PHACTR2: variants seen among roughly 807,000 people sequenced by gnomAD.
The protein encoded by PHACTR2 is phosphatase and actin regulator 2.
A neutral mutation model predicts 76.0 loss-of-function variants in PHACTR2; 30 were observed. That is an observed-to-expected ratio of 0.39 (90% confidence interval 0.30 to 0.54). The LOEUF (loss-of-function observed/expected upper bound fraction) is 0.54, where lower values mean the gene tolerates loss of function less well. Among genes scored for constraint, PHACTR2 ranks in the 20% least tolerant of loss-of-function variants. The pLI is 0.61. For synonymous variants in PHACTR2, 292 were observed against 292.5 expected (o/e 1.00, Z 0.02); for missense variants, 696 against 781.1 (o/e 0.89, Z 1.30).
Position 143,787,607 on chromosome 6 carries a change from C to G in PHACTR2, c.1708-1166C>G, listed in dbSNP as rs1775584232. ...TGTTAATGACTACAGAATGTAGACCCAGTGCAAAATAAGGAATATCTCTGG... is the reference window on the plus strand; with the variant it reads ...TGTTAATGACTACAGAATGTAGACCGAGTGCAAAATAAGGAATATCTCTGG... On this transcript the variant is annotated intron_variant, in intron 10 of 12. Transcript: ENST00000440869. The surrounding 1 kb of genome is among the most constrained non-coding windows in gnomAD (Gnocchi z 4.6). Among the ~76,000 whole-genome samples, 3 of 152,058 alleles carry G rather than the reference C, an allele frequency of 2.0e-5. No homozygotes were observed. The South Asian group carries it at 6.2e-4, about 32-fold the overall frequency.
intron 1 of PHACTR2, among the ~76,000 whole-genome samples, chr6:143,545,520 G>C (rs1249519986): frequency 6.6e-6 from 1 of 152,160 alleles, no homozygotes; most frequent in African/African-American, 2.4e-5. Context: ...TTCCCCACAT[G>C]ATCACACTCT....
chr6:143,752,965 C>T (rs1354786755), intron 3 of PHACTR2, among the ~76,000 whole-genome samples: 2 of 152,034 alleles, frequency 1.3e-5, no homozygotes, highest in Non-Finnish European at 2.9e-5. Flanking sequence ...TATGGAAATA[C>T]AGGAGTTAAA....
chr6:143,612,232 C>A (rs1316615036), intron 1 of PHACTR2, among the ~76,000 whole-genome samples: 1 of 152,082 alleles, frequency 6.6e-6, no homozygotes, highest in Non-Finnish European at 1.5e-5. Flanking sequence ...GAAATAAGAC[C>A]AGGCAAAGAG....
At chr6:143,538,432 A>G (rs1426761763) in intron 1 of PHACTR2, among the ~76,000 whole-genome samples, 1 of 152,246 alleles carries the variant, frequency 6.6e-6, no homozygotes, top group Non-Finnish European at 1.5e-5. Flanking sequence ...AGATGCGTCA[A>G]GTTTCCACCA....
chr6:143,607,958 T>A (rs1775905402), upstream of PHACTR2, among the ~76,000 whole-genome samples: 1 of 152,248 alleles, frequency 6.6e-6, no homozygotes, highest in Non-Finnish European at 1.5e-5. Context: ...TGGAAAGCTC[T>A]GTGTTTTGCA....
rs1373844215 is a variant in PHACTR2 at position 143,663,215 on chromosome 6, T to C, written c.14-48801T>C. 6.6e-6 allele frequency among the ~76,000 whole-genome samples: 1 copy of C among 152,206 alleles called. No homozygotes were observed. The highest frequency in any genetic ancestry group is 2.4e-5 in the African/African-American group (1 of 41,456). ...TTTGCTATAGTGATCTATTTCCCTT[T>C]GAGTATATACCCAGTAATGATATTT... is the stretch of plus-strand genomic sequence containing the variant. On this transcript the variant is annotated intron_variant, in intron 1 of 11. Coordinates refer to the PHACTR2 transcript ENST00000305766. The surrounding 1 kb of genome is among the most constrained non-coding windows in gnomAD (Gnocchi z 4.1).
chr6:143,547,680 G>T lies in PHACTR2; in HGVS notation c.217+10473G>T, dbSNP rs76406135. Among the ~76,000 whole-genome samples, 1 of 152,152 alleles carries T rather than the reference G, an allele frequency of 6.6e-6. No individual in the cohort carries two copies. Among genetic ancestry groups the T allele is most frequent in the African/African-American group, 2.4e-5 (1 of 41,440 alleles). On this transcript the variant is annotated intron_variant, in intron 1 of 11. Coordinates refer to the PHACTR2 transcript ENST00000367584. The surrounding 1 kb of genome is among the most constrained non-coding windows in gnomAD (Gnocchi z 4.2). ...GTTAGCAATAGAGACTCCCTTCTTC[G>T]AATGAAGGAAAAGGGGTTTGTTTGT...
chr6:143,638,109 T>G (rs1776495200), intron 1 of PHACTR2, among the ~76,000 whole-genome samples: 1 of 152,368 alleles, frequency 6.6e-6, no homozygotes, highest in South Asian at 2.1e-4. Context: ...AGTGTGTAGT[T>G]GATGAATTAT....
chr6:143,552,888 G>GAA (rs35606517), intron 1 of PHACTR2, among the ~76,000 whole-genome samples: 3 of 116,698 alleles, frequency 2.6e-5, no homozygotes, highest in African/African-American at 3.3e-5. Context: ...ATCTCAAAAA[G>GAA]AAAAAAAAAA....
intron 2 of PHACTR2, among the ~76,000 whole-genome samples, chr6:143,741,591 T>C (rs2128468002): frequency 6.6e-6 from 1 of 152,306 alleles, no homozygotes; most frequent in South Asian, 2.1e-4. Flanking sequence ...TCCAAGCACA[T>C]AAGAAATAGA....
intron 2 of PHACTR2, among the ~76,000 whole-genome samples, chr6:143,744,292 G>A (rs1398768510): frequency 6.6e-6 from 1 of 152,234 alleles, no homozygotes; most frequent in African/African-American, 2.4e-5. Flanking sequence ...TGAGGACTGG[G>A]AAGGGGCAGA....
rs1027622655 is a variant in PHACTR2 at position 143,688,169 on chromosome 6, C to T, written c.46+9960C>T. On this transcript the variant is annotated intron_variant, in intron 1 of 12. Coordinates refer to ENST00000440869, the MANE Select transcript of PHACTR2 (RefSeq NM_001100164.2). This position sits in a 1 kb window ranked among gnomAD's most constrained non-coding sequence, Gnocchi z 5.2. ...ACTGAAAGCCACAGGCAATGGGAACCACTGACGCTTTTTTTTTTTTAAATC... is the reference window on the plus strand; with the variant it reads ...ACTGAAAGCCACAGGCAATGGGAACTACTGACGCTTTTTTTTTTTTAAATC... Among the ~76,000 whole-genome samples the T allele has an allele frequency of 3.1e-5, 4 of 127,812 alleles. No homozygotes were observed. In the South Asian group the frequency reaches 1.2e-3, roughly 38 times the overall value. 83.8% of individuals were successfully genotyped at this position (127,812 alleles called of 152,430 possible).
intron 11 of PHACTR2, among the ~76,000 whole-genome samples, chr6:143,804,161 T>C (rs2128483078): frequency 6.6e-6 from 1 of 152,366 alleles, no homozygotes; most frequent in East Asian, 1.9e-4. Context: ...GGGATCCCTG[T>C]GGCATCAGGT....
intron 2 of PHACTR2, among the ~76,000 whole-genome samples, chr6:143,723,050 T>G (rs1456777974): frequency 6.6e-6 from 1 of 152,242 alleles, no homozygotes; most frequent in African/African-American, 2.4e-5. Flanking sequence ...AGGTTGATTC[T>G]ATGTCTTGGC....
At chr6:143,626,535 T>TTAAAAAAAAAAAAAAAAAA (rs1360873818) in intron 1 of PHACTR2, among the ~76,000 whole-genome samples, 1 of 28,716 alleles carries the variant, frequency 3.5e-5, no homozygotes, top group African/African-American at 1.2e-4. Flanking sequence ...AGACTCCGTC[T>TTAAAAAAAAAAAAAAAAAA]CAAAAAAAAA....
chr6:143,594,198 A>G (rs765825195), intron 1 of PHACTR2, among the ~76,000 whole-genome samples: 7 of 152,278 alleles, frequency 4.6e-5, no homozygotes, highest in Non-Finnish European at 1.0e-4. Context: ...TAAGGTGTAT[A>G]TGAAACATAA....
rs928262427 is a variant in PHACTR2 at position 143,806,480 on chromosome 6, A to G, written c.1846-577A>G. On this transcript the variant is annotated intron_variant, in intron 11 of 12. Coordinates refer to ENST00000440869, the MANE Select transcript of PHACTR2 (RefSeq NM_001100164.2). This position sits in a 1 kb window ranked among gnomAD's most constrained non-coding sequence, Gnocchi z 5.8. ...ATGGTATTGCTTCTCAGAAAATGTCATGACCTGCACTTTCCTTGTGGTCAT... is the reference window on the plus strand; with the variant it reads ...ATGGTATTGCTTCTCAGAAAATGTCGTGACCTGCACTTTCCTTGTGGTCAT... Among the ~76,000 whole-genome samples, 1 of 152,214 alleles carries G rather than the reference A, an allele frequency of 6.6e-6. No individual in the cohort carries two copies. The highest frequency in any genetic ancestry group is 2.4e-5 in the African/African-American group (1 of 41,448).
intron 1 of PHACTR2, among the ~76,000 whole-genome samples, chr6:143,644,290 A>AC (rs1382678091): frequency 1.3e-5 from 2 of 151,978 alleles, no homozygotes; most frequent in Admixed American, 6.6e-5. Context: ...ACACGGTGAA[A>AC]CCCCATCTCT....
At chr6:143,785,196 C>T (rs1330096669) in intron 10 of PHACTR2, among the ~76,000 whole-genome samples, 2 of 152,186 alleles carry the variant, frequency 1.3e-5, no homozygotes, top group African/African-American at 2.4e-5. Context: ...AGATAAAATG[C>T]GGGTACAGGC....
Sources: allele counts gnomAD v4.1 joint callset (sites outside exome capture counted in the v4.1 genomes callset), GRCh38; gene constraint gnomAD v4.1.1; non-coding constraint Gnocchi (gnomAD v3.1); transcripts MANE v1.5; gene names NCBI Gene and HGNC (gene_info 2026-07-23, HGNC 2026-07-21).